Variants in UNC93A observed in about 807,000 individuals in gnomAD.
UNC93A encodes N-acetylglucosamine transporter UNC93A.
Under a neutral mutation model 47.5 loss-of-function variants are expected in UNC93A, and 43 were observed. The ratio of observed to expected loss-of-function variants is 0.91; its 90% CI spans 0.71 to 1.17. The LOEUF is 1.17. Among genes scored for constraint, UNC93A ranks in the 50% most tolerant of loss-of-function variants. The pLI is 0.00. For synonymous variants in UNC93A, 280 were observed against 258.0 expected (o/e 1.09, Z -0.82); for missense variants, 605 against 577.6 (o/e 1.05, Z -0.49).
At position 167,315,546 on chromosome 6, in the gene UNC93A, C is replaced by A. The variant is rs1778671069; in HGVS notation, c.*94C>A. 3 of 1,577,554 alleles carry A rather than the reference C, an allele frequency of 1.9e-6. No homozygotes were observed. The African/African-American group carries it at 4.1e-5, about 21-fold the overall frequency. ...AGGACATAGAGCGGCTCCTCATCAC[C>A]ATCTCAGCACAATTTGGCCATTCTG... On this transcript the variant is annotated 3_prime_UTR_variant, in exon 8 of 8. Transcript: ENST00000230256.
Position 167,294,836 on chromosome 6 carries a change from C to A in UNC93A, c.269+138C>A, listed in dbSNP as rs1015889422. 37 of 941,618 alleles carry A rather than the reference C, an allele frequency of 3.9e-5. No individual in the cohort carries two copies. In the East Asian group the frequency reaches 9.2e-4, roughly 23 times the overall value. The allele number at this position is 941,618 out of a possible 1,614,324, so 58.3% of individuals were successfully genotyped here. On this transcript the variant is annotated intron_variant, in intron 2 of 7. Transcript: ENST00000230256. Reference sequence around the variant, plus strand: ...TAAAATGAGCTCTCCTGCCCCTGCACCCCCGCCTCGCTTTGGTGACAGACG... The same window carrying A: ...TAAAATGAGCTCTCCTGCCCCTGCAACCCCGCCTCGCTTTGGTGACAGACG...
At chr6:167,297,909 G>T (rs116227630) in intron 3 of UNC93A, 36 bp from the exon 4 acceptor site, 2 of 1,604,740 alleles carry the variant, frequency 1.2e-6, no homozygotes, top group African/African-American at 1.3e-5. Flanking sequence ...CACATTTGCC[G>T]TCATCTCATG....
intron 1 of UNC93A, among the ~76,000 whole-genome samples, chr6:167,276,868 A>G (rs206975): frequency 0.72 from 109,271 of 152,200 alleles, 39,810 homozygotes; most frequent in African/African-American, 0.85. Context: ...CTTTGGTACC[A>G]ATAAACATGA....
chr6:167,285,954 CTCTCTCTATA>C (rs1438649013), intron 1 of UNC93A, among the ~76,000 whole-genome samples: 17 of 141,028 alleles, frequency 1.2e-4, no homozygotes, highest in Non-Finnish European at 2.5e-4. Context: ...CTCTCTCTCT[CTCTCTCTATA>C]TATATATATA....
upstream of UNC93A, among the ~76,000 whole-genome samples, chr6:167,287,671 G>A (rs1017114450): frequency 4.2e-5 from 6 of 143,236 alleles, no homozygotes; most frequent in African/African-American, 8.0e-5. Context: ...CTACGAACTT[G>A]GAAAATAAAA....
chr6:167,304,428 C>G (rs919131960), intron 5 of UNC93A, among the ~76,000 whole-genome samples: 26 of 152,226 alleles, frequency 1.7e-4, no homozygotes, highest in African/African-American at 6.3e-4. Context: ...GCAGCTGCCG[C>G]TGACTCACCC....
exon 1 of UNC93A, chr6:167,271,401 GC>G (rs1207023053): frequency 3.9e-5 from 6 of 152,476 alleles, no homozygotes; most frequent in Non-Finnish European, 7.3e-5. Context: ...CCCTCTGCCT[GC>G]CCTTCCGTGC....
chr6:167,292,350 T>G (rs1304572012), intron 1 of UNC93A, among the ~76,000 whole-genome samples: 2 of 152,148 alleles, frequency 1.3e-5, no homozygotes. Flanking sequence ...ATTAGTGTGG[T>G]CTTACATGGT....
chr6:167,291,302 G>A, upstream of UNC93A: 2 of 503,120 alleles, frequency 4.0e-6, no homozygotes, highest in Non-Finnish European at 7.0e-6. Context: ...TGGGGTCAGT[G>A]ATAACCAAGT....
chr6:167,309,581 G>A (rs1431979408), intron 7 of UNC93A, among the ~76,000 whole-genome samples: 1 of 152,104 alleles, frequency 6.6e-6, no homozygotes, highest in Non-Finnish European at 1.5e-5. Context: ...AAACACTCGG[G>A]GCTTAGAAAA....
At chr6:167,307,121 C>G (rs1006527938) in intron 6 of UNC93A, among the ~76,000 whole-genome samples, 2 of 152,158 alleles carry the variant, frequency 1.3e-5, no homozygotes, top group Non-Finnish European at 2.9e-5. Flanking sequence ...TCAATTTATA[C>G]CTAATGAGAA....
At chr6:167,299,597 A>G (rs1778184374) in intron 4 of UNC93A, among the ~76,000 whole-genome samples, 2 of 152,178 alleles carry the variant, frequency 1.3e-5, no homozygotes. Flanking sequence ...ACACACACCC[A>G]ACTAACCGAG....
At chr6:167,306,118 C>T (rs978845446) in intron 6 of UNC93A, 68 bp downstream of exon 6, 13 of 1,597,384 alleles carry the variant, frequency 8.1e-6, no homozygotes, top group Non-Finnish European at 5.1e-6. Context: ...GCACAGCTCA[C>T]AGTCAGGACA....
intron 7 of UNC93A, among the ~76,000 whole-genome samples, chr6:167,311,416 G>A (rs1225032642): frequency 6.6e-6 from 1 of 152,208 alleles, no homozygotes; most frequent in African/African-American, 2.4e-5. Flanking sequence ...GGGGAGATCT[G>A]TGCCAGGCAC....
Position 167,291,397 on chromosome 6 carries a change from G to T in UNC93A, c.-93G>T, listed in dbSNP as rs1473885862. The T allele has an allele frequency of 4.7e-6, 5 of 1,074,928 alleles. 1 individual carries two copies. The highest frequency in any genetic ancestry group is 7.0e-6 in the Non-Finnish European group (5 of 717,802). The allele number at this position is 1,074,928 out of a possible 1,614,324, so 66.6% of individuals were successfully genotyped here. A position where few individuals can be genotyped will look rare whatever the true frequency, so the allele number is the denominator to read the frequency against. ...GATGAGAGAGAGAATGGGACTTCTTGGTACTGATTGTTTTTCCCATGCCTC... is the reference window on the plus strand; with the variant it reads ...GATGAGAGAGAGAATGGGACTTCTTTGTACTGATTGTTTTTCCCATGCCTC... On this transcript the variant is annotated 5_prime_UTR_variant, in exon 1 of 8. Coordinates refer to ENST00000230256, the MANE Select transcript of UNC93A (RefSeq NM_018974.4).
At chr6:167,280,869 CCTTAACTTGAA>C (rs1167659191) in intron 1 of UNC93A, among the ~76,000 whole-genome samples, 10 of 151,994 alleles carry the variant, frequency 6.6e-5, no homozygotes, top group African/African-American at 2.4e-4. Flanking sequence ...GCAGGCAGGC[CCTTAACTTGAA>C]CTTACTGTGT....
chr6:167,271,794 G>A (rs1445756125), intron 1 of UNC93A, among the ~76,000 whole-genome samples: 1 of 152,170 alleles, frequency 6.6e-6, no homozygotes. Flanking sequence ...ATTAGAACTT[G>A]GGCTGATAGA....
Position 167,303,827 on chromosome 6 carries a change from C to T in UNC93A, c.626-92C>T, listed in dbSNP as rs566858963. 7.6e-5 allele frequency: 97 copies of T among 1,271,470 alleles called. No homozygotes were observed. The South Asian group carries it at 8.7e-4, about 11-fold the overall frequency. 78.8% of individuals were successfully genotyped at this position (1,271,470 alleles called of 1,614,324 possible). On this transcript the variant is annotated intron_variant, in intron 4 of 7. Transcript: ENST00000230256. ...CTGGATCTGAATTAGCCCTCCCTCG[C>T]GAGAGGAGGATGAGTGACTGAAACA...
chr6:167,270,962 G>T (rs1783441855), upstream of UNC93A, among the ~76,000 whole-genome samples: 1 of 152,226 alleles, frequency 6.6e-6, no homozygotes, highest in African/African-American at 2.4e-5. Context: ...CAGTTGTCCA[G>T]GAAGATACAG....
Sources: allele counts gnomAD v4.1 joint callset (sites outside exome capture counted in the v4.1 genomes callset), GRCh38; gene constraint gnomAD v4.1.1; transcripts MANE v1.5; gene names NCBI Gene and HGNC (gene_info 2026-07-23, HGNC 2026-07-21).